CDH12: variants seen among roughly 807,000 people sequenced by gnomAD.
The protein encoded by CDH12 is cadherin 12, also known as cadherin-12.
In CDH12, 41 loss-of-function variants were observed where a neutral mutation model predicts 74.1. The ratio of observed to expected loss-of-function variants is 0.55; its 90% CI spans 0.43 to 0.72. CDH12 has a LOEUF of 0.72. Among genes scored for constraint, CDH12 ranks in the 30% least tolerant of loss-of-function variants. The probability of loss-of-function intolerance (pLI) is 0.00; values close to 1 mark genes in which losing one functional copy is unlikely to be tolerated. For missense variants in CDH12, 945 were observed against 977.2 expected (o/e 0.97, Z 0.44); for synonymous variants, 399 against 355.0 (o/e 1.12, Z -1.39).
At chr5:22,030,530 A>C (rs1396309847) in intron 5 of CDH12, among the ~76,000 whole-genome samples, 1 of 152,222 alleles carries the variant, frequency 6.6e-6, no homozygotes, top group Non-Finnish European at 1.5e-5. Context: ...CTGTAAGCAG[A>C]TGTGCTGTCA....
chr5:21,755,896 C>A, intron 13 of CDH12, 54 bp from the exon 14 acceptor site: 1 of 1,568,516 alleles, frequency 6.4e-7, no homozygotes, highest in Non-Finnish European at 8.7e-7. Flanking sequence ...CACTTCAAAT[C>A]TTCAAGTTGG....
chr5:22,197,328 G>T (rs1331494821), intron 4 of CDH12, among the ~76,000 whole-genome samples: 1 of 151,984 alleles, frequency 6.6e-6, no homozygotes. Flanking sequence ...GGTGCCTGTA[G>T]TCCCAGCTAC....
At chr5:22,198,008 A>T (rs1462365306) in intron 4 of CDH12, among the ~76,000 whole-genome samples, 1 of 151,744 alleles carries the variant, frequency 6.6e-6, no homozygotes, top group African/African-American at 2.4e-5. Flanking sequence ...CAGTAAAATA[A>T]GTATGATTTT....
At chr5:22,426,963 C>T (rs1264740108) in intron 2 of CDH12, among the ~76,000 whole-genome samples, 1 of 151,998 alleles carries the variant, frequency 6.6e-6, no homozygotes, top group Non-Finnish European at 1.5e-5. Flanking sequence ...CTAACCCCTT[C>T]GTCTACCCTC....
At chr5:22,006,099 T>G (rs996594841) in intron 5 of CDH12, among the ~76,000 whole-genome samples, 1 of 152,222 alleles carries the variant, frequency 6.6e-6, no homozygotes. Context: ...CTGGCCCTCT[T>G]TATCAGTTTC....
chr5:22,466,430 G>T (rs1456409047), intron 2 of CDH12, among the ~76,000 whole-genome samples: 1 of 152,154 alleles, frequency 6.6e-6, no homozygotes. Flanking sequence ...CAAAAAAGGT[G>T]AGTATGTATG....
intron 1 of CDH12, among the ~76,000 whole-genome samples, chr5:22,545,663 T>G (rs913924037): frequency 1.3e-4 from 20 of 152,218 alleles, no homozygotes; most frequent in African/African-American, 4.3e-4. Flanking sequence ...AATCAACAAT[T>G]ACATTTTAAT....
chr5:22,838,677 G>GTT (rs1485371812), intron 1 of CDH12, among the ~76,000 whole-genome samples: 2 of 151,386 alleles, frequency 1.3e-5, no homozygotes, highest in African/African-American at 4.9e-5. Context: ...GTGTGTGTGT[G>GTT]TGTGTGTGTG....
intron 1 of CDH12, among the ~76,000 whole-genome samples, chr5:22,665,406 C>A (rs1740564698): frequency 6.6e-6 from 1 of 152,006 alleles, no homozygotes; most frequent in African/African-American, 2.4e-5. Context: ...TGAATTATAT[C>A]AAATAGGATG....
intron 3 of CDH12, among the ~76,000 whole-genome samples, chr5:22,401,103 T>C (rs1182778568): frequency 6.6e-6 from 1 of 152,218 alleles, no homozygotes; most frequent in Admixed American, 6.5e-5. Context: ...CATAACTGTT[T>C]GCCAATCTAA....
rs112749272 is a variant in CDH12, at chr5:22,580,631, T to A, written c.-522-75267A>T. 2.2e-3 allele frequency: 1,039 copies of A among 474,660 alleles called. 11 individuals are homozygous for A. The highest frequency in any genetic ancestry group is 0.019 in the African/African-American group (962 of 50,398). The allele number at this position is 474,660 out of a possible 1,614,324, so 29.4% of individuals were successfully genotyped here. A position where few individuals can be genotyped will look rare whatever the true frequency, so the allele number is the denominator to read the frequency against. On this transcript the variant is annotated intron_variant, in intron 1 of 14. Transcript: ENST00000382254. ...TGAAGTACATACCCCACATACTCCC[T>A]ACTGACCACAAAATAGGCACAGCCT...
chr5:22,332,952 A>G (rs1739410639), intron 3 of CDH12, among the ~76,000 whole-genome samples: 1 of 152,184 alleles, frequency 6.6e-6, no homozygotes, highest in Admixed American at 6.5e-5. Flanking sequence ...TTGACCCAGC[A>G]ATCTCATGAC....
rs540872566 is a variant in CDH12, at chr5:21,928,656, G to GT, written c.526+46434dup. 9.7e-3 allele frequency among the ~76,000 whole-genome samples: 1,464 copies of GT among 151,468 alleles called. 26 individuals carry two copies. Among genetic ancestry groups the GT allele is most frequent in the African/African-American group, 0.034 (1,388 of 41,286 alleles). ...GTGTCTTCTAAAAATTCTATCAAGA[G>GT]TTTTTTTTTAATTTTGTATTTTTTG... is the stretch of plus-strand genomic sequence containing the variant. On this transcript the variant is annotated intron_variant, in intron 6 of 14. Transcript: ENST00000382254.
chr5:22,202,111 C>T (rs1198616015), intron 4 of CDH12, among the ~76,000 whole-genome samples: 4 of 151,136 alleles, frequency 2.6e-5, no homozygotes, highest in African/African-American at 7.3e-5. Context: ...CTCCCTCTGC[C>T]CCTCCCTCCC....
intron 1 of CDH12, among the ~76,000 whole-genome samples, chr5:22,515,256 A>G (rs1017101102): frequency 6.6e-6 from 1 of 152,168 alleles, no homozygotes; most frequent in Non-Finnish European, 1.5e-5. Context: ...ACCAATTCAA[A>G]GAATTCCAGG....
intron 5 of CDH12, among the ~76,000 whole-genome samples, chr5:22,005,620 T>G (rs1736903949): frequency 6.6e-6 from 1 of 151,970 alleles, no homozygotes; most frequent in South Asian, 2.1e-4. Flanking sequence ...TGTATTGTAT[T>G]AAAACATTTT....
chr5:22,510,716 A>C (rs2126670718), intron 1 of CDH12, among the ~76,000 whole-genome samples: 1 of 152,146 alleles, frequency 6.6e-6, no homozygotes, highest in South Asian at 2.1e-4. Flanking sequence ...AATTTGTATT[A>C]TTTTTCATTG....
chr5:22,409,166 T>A (rs1743077152), intron 2 of CDH12, among the ~76,000 whole-genome samples: 1 of 152,068 alleles, frequency 6.6e-6, no homozygotes, highest in Non-Finnish European at 1.5e-5. Context: ...TAGAGTATAC[T>A]CTTAGCACTC....
chr5:22,233,708 C>G (rs1415664453), intron 3 of CDH12, among the ~76,000 whole-genome samples: 1 of 152,056 alleles, frequency 6.6e-6, no homozygotes, highest in Non-Finnish European at 1.5e-5. Flanking sequence ...AGTGCTATGG[C>G]TATATTTTTG....
Sources: gnomAD v4.1 joint callset for allele counts (sites outside exome capture counted in the v4.1 genomes callset) on GRCh38, gnomAD v4.1.1 for gene constraint, MANE v1.5 for transcripts, NCBI Gene and HGNC (gene_info 2026-07-23, HGNC 2026-07-21) for gene names.